The following STARD13 variants were observed in gnomAD, a reference collection of about 807,000 sequenced individuals.
STARD13 encodes the protein StAR related lipid transfer domain containing 13, also known as stAR-related lipid transfer protein 13.
Under a neutral mutation model 106.4 loss-of-function variants are expected in STARD13, and 62 were observed. That is an observed-to-expected ratio of 0.58 (90% CI 0.48 to 0.72). The LOEUF (loss-of-function observed/expected upper bound fraction) is 0.72, where lower values mean the gene tolerates loss of function less well. STARD13 is among the 30% of genes least tolerant of loss of function. The probability of loss-of-function intolerance (pLI) is 0.00; values close to 1 mark genes in which losing one functional copy is unlikely to be tolerated. For missense variants in STARD13, 1,387 were observed against 1,424.0 expected, an observed-to-expected ratio of 0.97 and a Z score of 0.42; for synonymous variants, 565 against 553.0, an observed-to-expected ratio of 1.02 and a Z score of -0.31.
the STARD13 span, among the ~76,000 whole-genome samples, chr13:33,633,729 G>A: frequency 2.0e-5 from 3 of 152,100 alleles, no homozygotes; most frequent in Non-Finnish European, 2.9e-5. Flanking sequence ...TATGTGAAAG[G>A]CAATTGCAGA....
the STARD13 span, among the ~76,000 whole-genome samples, chr13:33,574,197 C>G: frequency 6.6e-6 from 1 of 152,144 alleles, no homozygotes; most frequent in Non-Finnish European, 1.5e-5. Context: ...GTGTGAAGCA[C>G]TGTCAGAGTA....
At chr13:33,324,119 A>T (rs1168388033) in intron 1 of STARD13, among the ~76,000 whole-genome samples, 1 of 152,232 alleles carries the variant, frequency 6.6e-6, no homozygotes, top group Non-Finnish European at 1.5e-5. Flanking sequence ...GTGACATATA[A>T]ATTTAGCACT....
intron 1 of STARD13, among the ~76,000 whole-genome samples, chr13:33,234,341 C>A (rs143603068): frequency 2.0e-5 from 3 of 152,270 alleles, no homozygotes; most frequent in Non-Finnish European, 4.4e-5. Flanking sequence ...GGAACAGAGT[C>A]CCAGCTATTT....
the STARD13 span, among the ~76,000 whole-genome samples, chr13:33,494,407 A>G: frequency 1.3e-5 from 2 of 152,146 alleles, no homozygotes; most frequent in African/African-American, 4.8e-5. Flanking sequence ...TAAATGCAGT[A>G]CCTTGCATTT....
chr13:33,345,014 A>G (rs912713075), downstream of STARD13, among the ~76,000 whole-genome samples: 1 of 152,250 alleles, frequency 6.6e-6, no homozygotes, highest in Non-Finnish European at 1.5e-5. Flanking sequence ...TAATGATGCC[A>G]TAAAAGTTTA....
chr13:33,153,231 T>C (rs1418322392), intron 3 of STARD13, among the ~76,000 whole-genome samples: 1 of 152,178 alleles, frequency 6.6e-6, no homozygotes, highest in Admixed American at 6.5e-5. Context: ...GCACCCACGA[T>C]ATACCACTGA....
intron 1 of STARD13, among the ~76,000 whole-genome samples, chr13:33,228,327 G>T (rs2138200607): frequency 6.6e-6 from 1 of 152,148 alleles, no homozygotes; most frequent in African/African-American, 2.4e-5. Context: ...CTTTTGAGAA[G>T]AAACATTCAT....
At chr13:33,528,265 T>TATATATATATGTATATATATATATAC in the STARD13 span, among the ~76,000 whole-genome samples, 1 of 131,546 alleles carries the variant, frequency 7.6e-6, no homozygotes, top group African/African-American at 3.2e-5. Flanking sequence ...TACATATATA[T>TATATATATATGTATATATATATATAC]ATATATATAC....
At position 33,126,082 on chromosome 13, in the gene STARD13, T is replaced by C; in HGVS notation, c.2081A>G (p.Gln694Arg). ...GCAGCGGGGGGGTTACAGCCCTACC[T>C]GATCGAGGCAGTTGCTGCGTAGATA... is the stretch of plus-strand genomic sequence containing the variant. ...LRYLRSNCLDQVGLFRKSGVK... is the reference protein window; with the variant it reads ...LRYLRSNCLDRVGLFRKSGVK... The change falls in exon 7 of 14, where the codon CAG becomes CGG. Residue 694 changes from glutamine (Q) to arginine (R), a missense_variant and splice_region_variant. Coordinates refer to ENST00000336934, the MANE Select transcript of STARD13 (RefSeq NM_178006.4). 1.2e-6 allele frequency: 2 copies of C among 1,613,788 alleles called. No homozygotes were observed. Among genetic ancestry groups the C allele is most frequent in the Non-Finnish European group, 8.5e-7 (1 of 1,179,908 alleles).
chr13:33,188,581 A>G lies in STARD13; in HGVS notation c.170-20959T>C, dbSNP rs1885976716. Among the ~76,000 whole-genome samples, 3 of 152,196 alleles carry G rather than the reference A, an allele frequency of 2.0e-5. No individual in the cohort carries two copies. In the South Asian group the frequency reaches 6.2e-4, roughly 32 times the overall value. On this transcript the variant is annotated intron_variant, in intron 1 of 13. Transcript: ENST00000336934. Reference sequence around the variant, plus strand: ...TATGTCCATTTTTGTTTTCATGGAAACCATCCAACTTTCAATACTCACCAC... The same window carrying G: ...TATGTCCATTTTTGTTTTCATGGAAGCCATCCAACTTTCAATACTCACCAC...
At position 33,316,430 on chromosome 13, in the gene STARD13, A is replaced by G. The variant is rs927197232; in HGVS notation, c.124+33860T>C. Among the ~76,000 whole-genome samples, 3 of 152,260 alleles carry G rather than the reference A, an allele frequency of 2.0e-5. No homozygotes were observed. In the East Asian group the frequency reaches 5.8e-4, roughly 29 times the overall value. On this transcript the variant is annotated intron_variant, in intron 1 of 5. Coordinates refer to the STARD13 transcript ENST00000567873. ...TTAGTAAATAAATAAATTTAGTAAT[A>G]TAAGATTTCCACTTTGTAGTGTGAC...
the STARD13 span, among the ~76,000 whole-genome samples, chr13:33,532,954 G>A: frequency 5.9e-5 from 9 of 151,610 alleles, no homozygotes; most frequent in Non-Finnish European, 7.4e-5. Flanking sequence ...TTTCCAAAGG[G>A]GCTGGGACAA....
intron 1 of STARD13, among the ~76,000 whole-genome samples, chr13:33,301,319 C>G (rs1302370430): frequency 6.6e-6 from 1 of 152,194 alleles, no homozygotes; most frequent in South Asian, 2.1e-4. Context: ...GCATGAGGAC[C>G]AGTGCCCTGA....
intron 1 of STARD13, among the ~76,000 whole-genome samples, chr13:33,279,028 A>G (rs1891611475): frequency 6.6e-6 from 1 of 152,136 alleles, no homozygotes; most frequent in Non-Finnish European, 1.5e-5. Flanking sequence ...TGGTCTTTAG[A>G]TCATTCAAAT....
At chr13:33,607,098 GTTT>G in the STARD13 span, among the ~76,000 whole-genome samples, 1 of 130,944 alleles carries the variant, frequency 7.6e-6, no homozygotes. Flanking sequence ...GGACAGTTTT[GTTT>G]TTTTTTTTTT....
intron 4 of STARD13, among the ~76,000 whole-genome samples, chr13:33,132,915 CAT>C (rs1214838088): frequency 7.2e-5 from 11 of 152,138 alleles, no homozygotes; most frequent in African/African-American, 2.7e-4. Context: ...TGAAAACTGA[CAT>C]ATGAGGGTCA....
intron 1 of STARD13, among the ~76,000 whole-genome samples, chr13:33,220,221 C>T (rs1453924588): frequency 1.3e-5 from 2 of 151,570 alleles, no homozygotes; most frequent in East Asian, 3.8e-4. Context: ...AACTGAATGG[C>T]TAGAAAACTT....
At chr13:33,591,917 T>A in the STARD13 span, among the ~76,000 whole-genome samples, 1 of 152,246 alleles carries the variant, frequency 6.6e-6, no homozygotes, top group African/African-American at 2.4e-5. Context: ...TCTTCTAATA[T>A]GAATTTTATA....
At chr13:33,374,543 C>G in the STARD13 span, among the ~76,000 whole-genome samples, 2 of 152,002 alleles carry the variant, frequency 1.3e-5, no homozygotes, top group African/African-American at 4.8e-5. Flanking sequence ...ATCTGTAATT[C>G]AAGGTAAGAG....
Sources: allele counts gnomAD v4.1 joint callset (sites outside exome capture counted in the v4.1 genomes callset), GRCh38; gene constraint gnomAD v4.1.1; transcripts MANE v1.5; gene names NCBI Gene and HGNC (gene_info 2026-07-23, HGNC 2026-07-21).